The following LMNTD1 variants were observed in gnomAD, a reference collection of about 807,000 sequenced individuals.
The protein encoded by LMNTD1 is lamin tail domain-containing protein 1.
Under a neutral mutation model 50.9 loss-of-function variants are expected in LMNTD1, and 35 were observed. That is an observed-to-expected ratio of 0.69 (90% confidence interval 0.53 to 0.91). The LOEUF (loss-of-function observed/expected upper bound fraction) is 0.91, where lower values mean the gene tolerates loss of function less well. Among genes scored for constraint, LMNTD1 ranks in the 40% least tolerant of loss-of-function variants. LMNTD1 has a pLI of 0.00. For synonymous variants in LMNTD1, 153 were observed against 161.9 expected (o/e 0.94, Z 0.42); for missense variants, 470 against 475.5 (o/e 0.99, Z 0.11).
At chr12:25,542,399 T>C (rs2136200714) in intron 4 of LMNTD1, among the ~76,000 whole-genome samples, 1 of 150,190 alleles carries the variant, frequency 6.7e-6, no homozygotes, top group Non-Finnish European at 1.5e-5. Flanking sequence ...CCATAAAAAA[T>C]GATGAGTTCA....
At chr12:25,623,805 G>C (rs1260497698) in intron 1 of LMNTD1, among the ~76,000 whole-genome samples, 1 of 152,064 alleles carries the variant, frequency 6.6e-6, no homozygotes, top group Non-Finnish European at 1.5e-5. Flanking sequence ...TGCTTAGAGA[G>C]AGATGGTGGC....
At chr12:25,568,416 A>T (rs572440284) in intron 1 of LMNTD1, among the ~76,000 whole-genome samples, 2 of 152,260 alleles carry the variant, frequency 1.3e-5, no homozygotes, top group African/African-American at 4.8e-5. Context: ...CAGCCTAGCC[A>T]TGTGGCAGAA....
chr12:25,573,743 G>T (rs140224526), intron 1 of LMNTD1, among the ~76,000 whole-genome samples: 23 of 152,068 alleles, frequency 1.5e-4, no homozygotes, highest in African/African-American at 5.3e-4. Context: ...CCTTTTCCTC[G>T]CGGCTTGATT....
intron 1 of LMNTD1, among the ~76,000 whole-genome samples, chr12:25,613,046 T>C (rs1055374333): frequency 2.0e-5 from 3 of 152,102 alleles, no homozygotes; most frequent in African/African-American, 7.2e-5. Context: ...TTCCAGAATA[T>C]AGGAGAATGC....
chr12:25,529,433 C>G, intron 4 of LMNTD1, among the ~76,000 whole-genome samples: 1 of 152,174 alleles, frequency 6.6e-6, no homozygotes, highest in East Asian at 1.9e-4. Flanking sequence ...ATCACTTTGG[C>G]CTGTTGTAAA....
At chr12:25,590,461 A>G (rs1230972027) in intron 1 of LMNTD1, among the ~76,000 whole-genome samples, 1 of 152,184 alleles carries the variant, frequency 6.6e-6, no homozygotes, top group Non-Finnish European at 1.5e-5. Flanking sequence ...TAAACTTGAA[A>G]GACAGTCTAG....
chr12:25,561,018 C>CT (rs1252805669), intron 1 of LMNTD1, among the ~76,000 whole-genome samples: 1 of 152,164 alleles, frequency 6.6e-6, no homozygotes, highest in East Asian at 1.9e-4. Flanking sequence ...ATTGAATACC[C>CT]TTTTTTTCTT....
At chr12:25,516,368 A>G (rs1678553) in intron 8 of LMNTD1, among the ~76,000 whole-genome samples, 112,640 of 152,112 alleles carry the variant, frequency 0.74, 42,649 homozygotes, top group East Asian at 0.88. Context: ...TAATCAAGAT[A>G]AGTTGCCACC....
Position 25,478,098 on chromosome 12 carries a change from T to G in LMNTD1, c.*23-1638A>C, listed in dbSNP as rs569441915. Reference sequence around the variant, plus strand: ...CCACCCACCCAGATTAAGGGTGGGTTTGCCTTTCCCAGCCCACTGACTCAA... The same window carrying G: ...CCACCCACCCAGATTAAGGGTGGGTGTGCCTTTCCCAGCCCACTGACTCAA... On this transcript the variant is annotated intron_variant, in intron 9 of 9. Coordinates refer to ENST00000458174, the MANE Select transcript of LMNTD1 (RefSeq NM_001145728.2). Among the ~76,000 whole-genome samples the G allele has an allele frequency of 7.4e-4, 113 of 152,202 alleles. 2 individuals are homozygous for G. The South Asian group carries it at 0.023, about 31-fold the overall frequency.
At chr12:25,615,151 T>C (rs1946326946) in intron 1 of LMNTD1, among the ~76,000 whole-genome samples, 1 of 152,124 alleles carries the variant, frequency 6.6e-6, no homozygotes, top group African/African-American at 2.4e-5. Context: ...GGGAGAAATT[T>C]AGGTAGCAGA....
At chr12:25,565,852 T>C (rs1944536397) in intron 1 of LMNTD1, among the ~76,000 whole-genome samples, 1 of 152,218 alleles carries the variant, frequency 6.6e-6, no homozygotes, top group African/African-American at 2.4e-5. Flanking sequence ...ATATTTTTGC[T>C]GGTTATACTA....
intron 8 of LMNTD1, among the ~76,000 whole-genome samples, chr12:25,508,432 T>C (rs574277988): frequency 1.3e-5 from 2 of 152,302 alleles, no homozygotes; most frequent in Non-Finnish European, 2.9e-5. Flanking sequence ...GCTTATGAGA[T>C]TCACTGATAT....
At chr12:25,604,219 C>G (rs1320308043) in intron 1 of LMNTD1, among the ~76,000 whole-genome samples, 1 of 152,062 alleles carries the variant, frequency 6.6e-6, no homozygotes, top group Non-Finnish European at 1.5e-5. Context: ...GCTTTCACTT[C>G]TTTGTTTAAA....
At chr12:25,621,475 T>C (rs1946471573) in intron 1 of LMNTD1, among the ~76,000 whole-genome samples, 1 of 152,242 alleles carries the variant, frequency 6.6e-6, no homozygotes. Context: ...CATAATATGA[T>C]ATACGTTTAA....
chr12:25,539,926 A>G (rs1565993232), intron 4 of LMNTD1, among the ~76,000 whole-genome samples: 2 of 151,892 alleles, frequency 1.3e-5, no homozygotes, highest in East Asian at 1.9e-4. Flanking sequence ...ACAAACTACC[A>G]TCAGAGAATA....
chr12:25,542,492 A>G (rs533212170), intron 4 of LMNTD1, among the ~76,000 whole-genome samples: 59 of 148,122 alleles, frequency 4.0e-4, no homozygotes, highest in Non-Finnish European at 6.3e-4. Context: ...AACACTGCAT[A>G]TTCTCACTCA....
At chr12:25,582,885 T>C (rs191118837) in intron 1 of LMNTD1, among the ~76,000 whole-genome samples, 2 of 152,344 alleles carry the variant, frequency 1.3e-5, no homozygotes, top group Admixed American at 1.3e-4. Flanking sequence ...TCTCACTCTG[T>C]TGTCCAGGCT....
chr12:25,504,030 T>A (rs1939553769), intron 8 of LMNTD1, among the ~76,000 whole-genome samples: 1 of 152,240 alleles, frequency 6.6e-6, no homozygotes. Context: ...TATTATTTGA[T>A]TCTTATGAAG....
chr12:25,503,944 TGAA>T (rs2135949316), intron 8 of LMNTD1, 144 bp from the exon 9 acceptor site: 1 of 546,330 alleles, frequency 1.8e-6, no homozygotes, highest in African/African-American at 1.9e-5. Context: ...TTCTTTCACT[TGAA>T]GAAGAAATTT....
Sources: allele counts gnomAD v4.1 joint callset (sites outside exome capture counted in the v4.1 genomes callset), GRCh38; gene constraint gnomAD v4.1.1; transcripts MANE v1.5; gene names NCBI Gene and HGNC (gene_info 2026-07-23, HGNC 2026-07-21).